Variants in BMP2K observed in about 807,000 individuals in gnomAD.
The protein encoded by BMP2K is BMP-2-inducible protein kinase.
In BMP2K, 74 loss-of-function variants were observed where a neutral mutation model predicts 116.0. The observed-to-expected ratio is 0.64, with a 90% confidence interval of 0.53 to 0.77. The LOEUF is 0.77. Among genes scored for constraint, BMP2K ranks in the 30% least tolerant of loss-of-function variants. BMP2K has a pLI of 0.00. For missense variants in BMP2K, 1,365 were observed against 1,403.6 expected, an observed-to-expected ratio of 0.97 and a Z score of 0.44; for synonymous variants, 486 against 502.5, an observed-to-expected ratio of 0.97 and a Z score of 0.44.
Position 78,911,510 on chromosome 4 carries a change from A to C in BMP2K, c.2963A>C (p.Asp988Ala). ...LSSRQRRTKQ[D>A]MSKSNGKRHH... ...TCTCGCCAAAGGCGCACAAAGCAGG[A>C]TATGTCCAAAAGTAATGGGAAGCGG... The change falls in exon 16 of 16, where the codon GAT becomes GCT. Residue 988 changes from aspartate to alanine, a missense_variant. Physicochemically the swap from Asp to Ala is moderately radical, Grantham distance 126. Around this residue, in one of 3 missense-constraint regions of BMP2K, gnomAD observed 596 missense variants for 623.2 expected, o/e 0.96. Transcript: ENST00000502613. 5.6e-6 allele frequency: 9 copies of C among 1,614,060 alleles called. No homozygotes were observed. The highest frequency in any genetic ancestry group is 7.6e-6 in the Non-Finnish European group (9 of 1,179,900).
intron 7 of BMP2K, among the ~76,000 whole-genome samples, chr4:78,852,290 C>T (rs2110034941): frequency 6.6e-6 from 1 of 152,094 alleles, no homozygotes; most frequent in African/African-American, 2.4e-5. Flanking sequence ...ATATGCTTCC[C>T]TTACTGTCAG....
rs1206815791 is a variant in BMP2K at position 78,776,562 on chromosome 4, A to G, written c.19A>G (p.Met7Val). 2.6e-6 allele frequency: 3 copies of G among 1,145,252 alleles called. No homozygotes were observed. The East Asian group carries it at 1.4e-4, about 53-fold the overall frequency. 70.9% of individuals were successfully genotyped at this position (1,145,252 alleles called of 1,614,324 possible). MKKFSRMPKSEGGSGGG... is the reference protein window; with the variant it reads MKKFSRVPKSEGGSGGG... ...CGGGACCATGAAGAAGTTCTCTCGG[A>G]TGCCCAAGTCGGAGGGCGGCAGCGG... Residue 7 changes from methionine to valine, a missense_variant, in exon 1 of 16, where the codon ATG becomes GTG. Around this residue, in one of 3 missense-constraint regions of BMP2K, gnomAD observed 762 missense variants for 756.7 expected, o/e 1.01. Transcript: ENST00000502613.
At chr4:78,841,024 A>C (rs1314582525) in intron 3 of BMP2K, among the ~76,000 whole-genome samples, 1 of 152,112 alleles carries the variant, frequency 6.6e-6, no homozygotes, top group Non-Finnish European at 1.5e-5. Flanking sequence ...GAGTGGTGGA[A>C]GTTGCTGCAT....
At chr4:78,887,025 ATACT>A in intron 14 of BMP2K, 145 bp from the exon 15 acceptor site, 1 of 589,986 alleles carries the variant, frequency 1.7e-6, no homozygotes, top group Non-Finnish European at 3.0e-6. Context: ...CTACTCCCTA[ATACT>A]TACAGTGATA....
chr4:78,852,645 C>T (rs1433559899), intron 7 of BMP2K, among the ~76,000 whole-genome samples: 2 of 152,052 alleles, frequency 1.3e-5, no homozygotes, highest in Admixed American at 1.3e-4. Context: ...CATTCTGTGG[C>T]CCAGGACCTG....
intron 3 of BMP2K, among the ~76,000 whole-genome samples, chr4:78,837,335 C>T (rs1328565042): frequency 1.3e-5 from 2 of 151,456 alleles, no homozygotes; most frequent in African/African-American, 4.9e-5. Flanking sequence ...GCTGGGATTA[C>T]AGGTGTGCAC....
chr4:78,818,354 G>A lies in BMP2K; in HGVS notation c.179-7683G>A, dbSNP rs141355755. Among the ~76,000 whole-genome samples, 807 of 152,224 alleles carry A rather than the reference G, an allele frequency of 5.3e-3. 6 individuals carry two copies. Among genetic ancestry groups the A allele is most frequent in the African/African-American group, 0.019 (785 of 41,516 alleles). On this transcript the variant is annotated intron_variant, in intron 1 of 15. Transcript: ENST00000502613. ...GAATCGCCACACTGTCTTCCACAAT[G>A]GTTGAACTTATTTACACTCCCACCA...
rs1004731910 is a variant in BMP2K at position 78,914,062 on chromosome 4, TCAAA to T, written c.*2033_*2036del. ...ATTCATGAACTACAGTAGGTTTGTATCAAACAATTTTTTTTAATGAAAATCTGTT... is the reference window on the plus strand; with the variant it reads ...ATTCATGAACTACAGTAGGTTTGTATCAATTTTTTTTAATGAAAATCTGTT... On this transcript the variant is annotated 3_prime_UTR_variant, in exon 16 of 16. Transcript: ENST00000502613. The T allele has an allele frequency of 2.5e-4, 38 of 151,062 alleles. No homozygotes were observed. The highest frequency in any genetic ancestry group is 7.8e-4 in the African/African-American group (32 of 41,058). The allele number at this position is 151,062 out of a possible 1,614,324, so 9.4% of individuals were successfully genotyped here.
chr4:78,847,133 CTT>C (rs902745861), intron 5 of BMP2K, 53 bp from the exon 6 acceptor site: 146 of 1,017,034 alleles, frequency 1.4e-4, no homozygotes, highest in African/African-American at 8.2e-4. Flanking sequence ...TATTATCTGT[CTT>C]TTTTTTATAT....
At chr4:78,862,270 C>T (rs757960172) in intron 9 of BMP2K, among the ~76,000 whole-genome samples, 61 of 152,006 alleles carry the variant, frequency 4.0e-4, no homozygotes, top group South Asian at 4.1e-4. Context: ...AAGGAGTTCA[C>T]GTTCTAATTG....
At chr4:78,875,886 A>G (rs772263773) in intron 13 of BMP2K, among the ~76,000 whole-genome samples, 1 of 152,202 alleles carries the variant, frequency 6.6e-6, no homozygotes, top group Non-Finnish European at 1.5e-5. Flanking sequence ...GATCCAAGAG[A>G]CAGAGCAAGG....
In BMP2K at chr4:78,872,747, C is replaced by T; in HGVS notation, c.1742C>T (p.Ser581Leu). 1 of 1,614,170 alleles carries T rather than the reference C, an allele frequency of 6.2e-7. No homozygotes were observed. The highest frequency in any genetic ancestry group is 8.5e-7 in the Non-Finnish European group (1 of 1,180,000). The change falls in exon 13 of 16, where the codon TCA (serine) becomes TTA (leucine). Residue 581 changes from serine (S) to leucine (L), a missense_variant. Ser to Leu is a moderately radical substitution (Grantham distance 145, BLOSUM62 -2). Around this residue, in one of 3 missense-constraint regions of BMP2K, gnomAD observed 762 missense variants for 756.7 expected, o/e 1.01. Transcript: ENST00000502613. Reference sequence around the variant, plus strand: ...CCAGCCTTAGTTTCCTACACTTCATCACTTCCAGCTCAGGTTGGAACCATA... The same window carrying T: ...CCAGCCTTAGTTTCCTACACTTCATTACTTCCAGCTCAGGTTGGAACCATA... ...FSPALVSYTS[S>L]LPAQVGTIMD...
chr4:78,912,988 AATTTT>A lies in BMP2K; in HGVS notation c.*963_*967del, dbSNP rs745946850. 3.0e-4 allele frequency: 46 copies of A among 152,312 alleles called. No individual in the cohort carries two copies. Among genetic ancestry groups the A allele is most frequent in the African/African-American group, 8.9e-4 (37 of 41,580 alleles). The allele number at this position is 152,312 out of a possible 1,614,324, so 9.4% of individuals were successfully genotyped here. ...AATTGGAGGACAAGGGTTGTATAAAAATTTTATTTTATGAAGAAAATATGTAGCGG... is the reference window on the plus strand; with the variant it reads ...AATTGGAGGACAAGGGTTGTATAAAAATTTTATGAAGAAAATATGTAGCGG... On this transcript the variant is annotated 3_prime_UTR_variant, in exon 16 of 16. Coordinates refer to ENST00000502613, the MANE Select transcript of BMP2K (RefSeq NM_198892.2).
chr4:78,869,529 A>G (rs1732227066), intron 10 of BMP2K, among the ~76,000 whole-genome samples: 1 of 152,220 alleles, frequency 6.6e-6, no homozygotes, highest in Admixed American at 6.5e-5. Flanking sequence ...GAGTGTTCCC[A>G]ACACACACAA....
At chr4:78,804,179 T>A (rs1221648500) in intron 1 of BMP2K, among the ~76,000 whole-genome samples, 4 of 152,202 alleles carry the variant, frequency 2.6e-5, no homozygotes, top group Admixed American at 6.5e-5. Flanking sequence ...TCTATGGATT[T>A]GTCTATTCTG....
intron 14 of BMP2K, among the ~76,000 whole-genome samples, chr4:78,886,900 T>C (rs1733123529): frequency 2.0e-5 from 3 of 152,206 alleles, no homozygotes; most frequent in Admixed American, 2.0e-4. Flanking sequence ...GGACAAGTAG[T>C]ATTTAAATGA....
rs148327976 is a variant in BMP2K at position 78,886,657 on chromosome 4, T to TTGTG, written c.1952-506_1952-503dup. ...TGAGTGTACGTGGGGGCATGTGTGT[T>TTGTG]TGTGTGTGTGTGTGCGAGAGAGAGA... On this transcript the variant is annotated intron_variant, in intron 14 of 15. Transcript: ENST00000502613. 7.0e-3 allele frequency among the ~76,000 whole-genome samples: 1,067 copies of TTGTG among 151,480 alleles called. 3 individuals are homozygous for TTGTG. Among genetic ancestry groups the TTGTG allele is most frequent in the African/African-American group, 0.016 (678 of 41,316 alleles).
rs756206102 is a variant in BMP2K, at chr4:78,859,578, T to C, written c.884-6T>C. On this transcript the variant is annotated splice_region_variant and splice_polypyrimidine_tract_variant and intron_variant, in intron 7 of 15. Transcript: ENST00000502613. Reference sequence around the variant, plus strand: ...AACTTCTTAACATTTTGATCTATTCTTGCAGGGTTCATGCTTGAACCAGAT... The same window carrying C: ...AACTTCTTAACATTTTGATCTATTCCTGCAGGGTTCATGCTTGAACCAGAT... 8 of 1,592,048 alleles carry C rather than the reference T, an allele frequency of 5.0e-6. No homozygotes were observed. The South Asian group carries it at 6.8e-5, about 13-fold the overall frequency.
intron 12 of BMP2K, 92 bp from the exon 13 acceptor site, chr4:78,872,522 A>G (rs771831748): frequency 2.4e-5 from 27 of 1,145,428 alleles, no homozygotes; most frequent in African/African-American, 3.1e-5. Context: ...TTTGTCACCA[A>G]TGTGAAAGGA....
Sources: allele counts gnomAD v4.1 joint callset (sites outside exome capture counted in the v4.1 genomes callset), GRCh38; gene constraint gnomAD v4.1.1; regional missense constraint gnomAD v4.1.1; transcripts MANE v1.5; gene names NCBI Gene and HGNC (gene_info 2026-07-23, HGNC 2026-07-21).